RFC2: variants seen among roughly 807,000 people sequenced by gnomAD.
RFC2 encodes replication factor C subunit 2, also known as A1 40 kDa subunit.
In RFC2, 34 loss-of-function variants were observed where a neutral mutation model predicts 44.8. The observed-to-expected ratio is 0.76, with a 90% CI of 0.58 to 1.01. The LOEUF (loss-of-function observed/expected upper bound fraction) is 1.01, where lower values mean the gene tolerates loss of function less well. RFC2 is among the 50% of genes least tolerant of loss of function. The pLI, the probability that RFC2 is intolerant of heterozygous loss-of-function variation, is 0.00. For missense variants in RFC2, 400 were observed against 453.6 expected (o/e 0.88, Z 1.07); for synonymous variants, 177 against 168.9 (o/e 1.05, Z -0.37).
rs1803321705 is a variant in RFC2, at chr7:74,241,395, A to G, written c.536-1300T>C. On this transcript the variant is annotated intron_variant, in intron 6 of 10. Transcript: ENST00000055077. Reference sequence around the variant, plus strand: ...GAATGGGTTAATGAATCAATGCACAAATCAGTGCGATTTTGGGAAGGGAAA... The same window carrying G: ...GAATGGGTTAATGAATCAATGCACAGATCAGTGCGATTTTGGGAAGGGAAA... 2.0e-5 allele frequency among the ~76,000 whole-genome samples: 3 copies of G among 152,228 alleles called. No individual in the cohort carries two copies. In the South Asian group the frequency reaches 6.2e-4, roughly 32 times the overall value.
At position 74,249,762 on chromosome 7, in the gene RFC2, T is replaced by G; in HGVS notation, c.202A>C (p.Asn68His). 3 of 1,613,776 alleles carry G rather than the reference T, an allele frequency of 1.9e-6. No homozygotes were observed. Among genetic ancestry groups the G allele is most frequent in the Non-Finnish European group, 2.5e-6 (3 of 1,179,780 alleles). The change falls in exon 3 of 11, where the codon AAT (asparagine) becomes CAT (histidine). Residue 68 changes from asparagine to histidine, a missense_variant. Physicochemically the swap from Asn to His is moderately conservative, Grantham distance 68 (BLOSUM62 1). Coordinates refer to ENST00000055077, the MANE Select transcript of RFC2 (RefSeq NM_181471.3). ...ACCGCAATGATGATGTTGGGCACATTTCCTTCCCTTGCAAAGACCTACGGC... is the reference window on the plus strand; with the variant it reads ...ACCGCAATGATGATGTTGGGCACATGTCCTTCCCTTGCAAAGACCTACGGC... ...SRLEVFAREG[N>H]VPNIIIAGPP...
chr7:74,253,060 T>C (rs1787061402), intron 1 of RFC2, among the ~76,000 whole-genome samples: 1 of 152,228 alleles, frequency 6.6e-6, no homozygotes, highest in Non-Finnish European at 1.5e-5. Flanking sequence ...CTGTTGCTGC[T>C]GGAGCACGGC....
At chr7:74,236,211 A>G (rs573737439) in intron 9 of RFC2, among the ~76,000 whole-genome samples, 1 of 140,386 alleles carries the variant, frequency 7.1e-6, no homozygotes, top group South Asian at 2.6e-4. Context: ...CCCAGGCTGC[A>G]GCGTCTGGAG....
chr7:74,249,817 T>A (rs565149707), intron 2 of RFC2, 37 bp from the exon 3 acceptor site: 18 of 1,564,792 alleles, frequency 1.2e-5, no homozygotes, highest in Admixed American at 3.3e-5. Context: ...GGTTAAAACT[T>A]GCTTCTGGAT....
chr7:74,238,920 T>C lies in RFC2; in HGVS notation c.759+3A>G, dbSNP rs202168803. On this transcript the variant is annotated splice_donor_region_variant and intron_variant, in intron 8 of 10. Transcript: ENST00000055077. The surrounding 1 kb of genome is among the most constrained non-coding windows in gnomAD (Gnocchi z 4.0). ...ACAGTACCACCCACACTAGCGCTTG[T>C]ACCTTGAACACGTTCTCACTGTTAA... 3 of 1,611,196 alleles carry C rather than the reference T, an allele frequency of 1.9e-6. No individual in the cohort carries two copies. Among genetic ancestry groups the C allele is most frequent in the East Asian group, 2.2e-5 (1 of 44,870 alleles).
rs1397085223 is a variant in RFC2 at position 74,235,631 on chromosome 7, C to A, written c.855G>T (p.Leu285Phe). 1 of 1,609,184 alleles carries A rather than the reference C, an allele frequency of 6.2e-7. No homozygotes were observed. Among genetic ancestry groups the A allele is most frequent in the Non-Finnish European group, 8.5e-7 (1 of 1,175,644 alleles). The change falls in exon 10 of 11, where the codon TTG becomes TTT. Residue 285 changes from leucine to phenylalanine, a missense_variant. Physicochemically the swap from Leu to Phe is conservative, Grantham distance 22 (BLOSUM62 0). Transcript: ENST00000055077. ...IDEAYKILAH[L>F]WHLGYSPEDI... ...CTTCTGGTGAGTAGCCCAGATGCCA[C>A]AAGTGAGCAAGAATCTAGACAAAGG...
intron 1 of RFC2, among the ~76,000 whole-genome samples, chr7:74,252,843 A>G (rs182531887): frequency 6.6e-6 from 1 of 152,290 alleles, no homozygotes; most frequent in East Asian, 1.9e-4. Flanking sequence ...GCTAAGGCAC[A>G]GTAGCTCGAA....
At chr7:74,232,288 A>C (rs1802775509) in intron 10 of RFC2, 72 bp from the exon 11 acceptor site, 1 of 816,388 alleles carries the variant, frequency 1.2e-6, no homozygotes, top group South Asian at 1.5e-5. Flanking sequence ...AACTGAAAAA[A>C]ATAAAAATAA....
chr7:74,233,684 T>G (rs1802854522), intron 10 of RFC2: 2 of 385,358 alleles, frequency 5.2e-6, no homozygotes, highest in Non-Finnish European at 1.1e-5. Flanking sequence ...CACTGCAACC[T>G]CCACCTCCTG....
At chr7:74,233,265 C>T (rs1802826071) in intron 10 of RFC2, among the ~76,000 whole-genome samples, 1 of 152,094 alleles carries the variant, frequency 6.6e-6, no homozygotes, top group Non-Finnish European at 1.5e-5. Context: ...GTAATTCTAG[C>T]ACTTTGGGAG....
intron 5 of RFC2, among the ~76,000 whole-genome samples, chr7:74,245,714 C>CAAAA (rs1182981268): frequency 0.025 from 1,672 of 65,818 alleles, 37 homozygotes; most frequent in African/African-American, 0.079. Context: ...CTCCGTCTCA[C>CAAAA]AAAAAAAAAA....
At chr7:74,233,107 A>T (rs868944570) in intron 10 of RFC2, among the ~76,000 whole-genome samples, 4 of 152,104 alleles carry the variant, frequency 2.6e-5, no homozygotes, top group Admixed American at 6.6e-5. Flanking sequence ...GCTACTCGGG[A>T]GCCTGAGGTG....
chr7:74,244,198 G>A (rs1281905817), intron 5 of RFC2, among the ~76,000 whole-genome samples: 3 of 151,520 alleles, frequency 2.0e-5, no homozygotes, highest in Admixed American at 2.0e-4. Context: ...AATCCAGGAG[G>A]CAGAGGTTGC....
chr7:74,253,192 T>C (rs1787068706), intron 1 of RFC2, among the ~76,000 whole-genome samples: 1 of 151,848 alleles, frequency 6.6e-6, no homozygotes, highest in African/African-American at 2.4e-5. Context: ...ACCAAGCTCC[T>C]TTCTCATCCC....
chr7:74,249,781 C>CTA lies in RFC2; in HGVS notation c.184-3_184-2dup. 10 of 1,613,378 alleles carry CTA rather than the reference C, an allele frequency of 6.2e-6. No homozygotes were observed. The highest frequency in any genetic ancestry group is 7.6e-6 in the Non-Finnish European group (9 of 1,179,394). ...GCACATTTCCTTCCCTTGCAAAGAC[C>CTA]TACGGCGAAAATGATCATTAAAACC... On this transcript the variant is annotated splice_acceptor_variant, in intron 2 of 10. Transcript: ENST00000055077. LOFTEE classifies it high-confidence loss of function.
chr7:74,243,271 A>G (rs1554719521), intron 5 of RFC2, 25 bp from the exon 6 acceptor site: 1 of 1,510,528 alleles, frequency 6.6e-7, no homozygotes, highest in South Asian at 1.1e-5. Context: ...ACAAGTTTGC[A>G]AGTGGGACCC....
At position 74,242,749 on chromosome 7, in the gene RFC2, T is replaced by TAA. The variant is rs71094767; in HGVS notation, c.535+395_535+396dup. Among the ~76,000 whole-genome samples, 133 of 105,616 alleles carry TAA rather than the reference T, an allele frequency of 1.3e-3. 1 individual carries two copies. Among genetic ancestry groups the TAA allele is most frequent in the Middle Eastern group, 4.9e-3 (1 of 204 alleles). 69.3% of individuals were successfully genotyped at this position (105,616 alleles called of 152,430 possible). On this transcript the variant is annotated intron_variant, in intron 6 of 10. Coordinates refer to ENST00000055077, the MANE Select transcript of RFC2 (RefSeq NM_181471.3). ...GCCAACATGGTGAAACCCCATCTCT[T>TAA]AAAAAAAAAAAAAAAAAAAAAAAAT...
At position 74,254,294 on chromosome 7, in the gene RFC2, G is replaced by A. The variant is rs1157276554; in HGVS notation, c.90C>T (p.Ser30=). The change falls in exon 1 of 11, where the codon AGC becomes AGT. Residue 30 remains serine, a synonymous_variant. Transcript: ENST00000055077. ...PAPAFSKAPG[S]AGHYELPWVE... ...ACCACGGCAGTTCGTAGTGGCCGGC[G>A]CTGCCGGGGGCCTTGCTGAAGGCAG... The A allele has an allele frequency of 3.1e-6, 5 of 1,612,332 alleles. No homozygotes were observed. The highest frequency in any genetic ancestry group is 4.2e-6 in the Non-Finnish European group (5 of 1,179,276).
At chr7:74,252,742 C>T (rs1274971881) in intron 1 of RFC2, among the ~76,000 whole-genome samples, 2 of 152,092 alleles carry the variant, frequency 1.3e-5, no homozygotes, top group Non-Finnish European at 2.9e-5. Context: ...TGAGCCCAGT[C>T]TGGCCAACAT....
Sources: gnomAD v4.1 joint callset for allele counts (sites outside exome capture counted in the v4.1 genomes callset) on GRCh38, gnomAD v4.1.1 for gene constraint, Gnocchi (gnomAD v3.1) non-coding constraint, MANE v1.5 for transcripts, NCBI Gene and HGNC (gene_info 2026-07-23, HGNC 2026-07-21) for gene names.